Variants in DPYD observed in about 807,000 individuals in gnomAD.
The protein encoded by DPYD is dihydropyrimidine dehydrogenase, also known as dihydropyrimidine dehydrogenase [NADP(+)].
A neutral mutation model predicts 116.2 loss-of-function variants in DPYD; 109 were observed. The observed-to-expected ratio is 0.94, with a 90% CI of 0.80 to 1.10. DPYD has a LOEUF of 1.10. DPYD is among the 50% of genes least tolerant of loss of function. The pLI, the probability that DPYD is intolerant of heterozygous loss-of-function variation, is 0.00. For missense variants in DPYD, 1,302 were observed against 1,254.5 expected (o/e 1.04, Z -0.57); for synonymous variants, 440 against 432.0 (o/e 1.02, Z -0.23).
intron 3 of DPYD, among the ~76,000 whole-genome samples, chr1:97,790,878 A>T (rs1413384929): frequency 6.6e-6 from 1 of 152,170 alleles, no homozygotes; most frequent in East Asian, 1.9e-4. Context: ...TCACGTCCTT[A>T]TTTGCTTTAG....
intron 14 of DPYD, among the ~76,000 whole-genome samples, chr1:97,400,982 G>T (rs1673341305): frequency 6.6e-6 from 1 of 152,070 alleles, no homozygotes; most frequent in African/African-American, 2.4e-5. Flanking sequence ...ATTTGGTGTT[G>T]TCAGTGTTAT....
intron 3 of DPYD, among the ~76,000 whole-genome samples, chr1:97,781,631 T>C (rs1666755321): frequency 6.6e-6 from 1 of 152,182 alleles, no homozygotes; most frequent in Non-Finnish European, 1.5e-5. Flanking sequence ...AATGATGTGA[T>C]AAAGATCACT....
chr1:97,091,359 G>A (rs1201325813), intron 21 of DPYD, among the ~76,000 whole-genome samples: 2 of 152,008 alleles, frequency 1.3e-5, no homozygotes, highest in Non-Finnish European at 1.5e-5. Context: ...GGTCCTCCAG[G>A]AAAAAGGGAA....
intron 2 of DPYD, among the ~76,000 whole-genome samples, chr1:97,834,115 T>A (rs1669655570): frequency 6.6e-6 from 1 of 151,944 alleles, no homozygotes; most frequent in Admixed American, 6.6e-5. Flanking sequence ...ACAAATATAA[T>A]CAGTAGTCCA....
chr1:97,546,466 G>A (rs1261669262), intron 12 of DPYD: 22 of 1,603,790 alleles, frequency 1.4e-5, no homozygotes, highest in Non-Finnish European at 1.9e-5. Flanking sequence ...TAGTGACAGA[G>A]ACTCTGATAG....
chr1:97,438,289 A>T (rs1364413232), intron 14 of DPYD, among the ~76,000 whole-genome samples: 1 of 152,056 alleles, frequency 6.6e-6, no homozygotes, highest in Admixed American at 6.6e-5. Flanking sequence ...ATTGCACTTT[A>T]TCCATAGATA....
At chr1:97,741,326 T>A (rs1372715564) in intron 3 of DPYD, among the ~76,000 whole-genome samples, 1 of 152,182 alleles carries the variant, frequency 6.6e-6, no homozygotes, top group Admixed American at 6.6e-5. Context: ...ATTAATCTCA[T>A]CTGACTCTCC....
intron 3 of DPYD, among the ~76,000 whole-genome samples, chr1:97,781,902 G>A (rs1237330735): frequency 6.6e-6 from 1 of 152,122 alleles, no homozygotes; most frequent in East Asian, 1.9e-4. Flanking sequence ...TGTCCACAGA[G>A]GAGAAGACTG....
intron 8 of DPYD, among the ~76,000 whole-genome samples, chr1:97,609,835 G>A (rs1453691870): frequency 1.3e-5 from 2 of 151,918 alleles, no homozygotes; most frequent in African/African-American, 4.8e-5. Context: ...AAAAAAATAT[G>A]CTTTAAAGAT....
chr1:97,829,693 C>T (rs757023427), intron 2 of DPYD, among the ~76,000 whole-genome samples: 9 of 151,878 alleles, frequency 5.9e-5, no homozygotes, highest in Non-Finnish European at 1.3e-4. Flanking sequence ...TTCTTTTTGG[C>T]CCTGAAATTC....
intron 18 of DPYD, among the ~76,000 whole-genome samples, chr1:97,251,781 T>C (rs1241696191): frequency 2.0e-5 from 3 of 152,114 alleles, no homozygotes; most frequent in Non-Finnish European, 4.4e-5. Flanking sequence ...AAATCGTAAC[T>C]CTTGAATTAG....
chr1:97,551,440 T>C (rs1260831741), intron 11 of DPYD, among the ~76,000 whole-genome samples: 4 of 152,130 alleles, frequency 2.6e-5, no homozygotes, highest in Admixed American at 6.6e-5. Context: ...CATTGAATGA[T>C]ATATGTAATG....
intron 18 of DPYD, among the ~76,000 whole-genome samples, chr1:97,279,310 T>C (rs1047453461): frequency 3.3e-5 from 5 of 151,978 alleles, no homozygotes; most frequent in Non-Finnish European, 7.4e-5. Flanking sequence ...AAAAAGAACA[T>C]TCAACATGTA....
intron 20 of DPYD, among the ~76,000 whole-genome samples, chr1:97,177,294 C>A (rs1657348201): frequency 1.3e-5 from 2 of 152,042 alleles, no homozygotes; most frequent in African/African-American, 4.8e-5. Flanking sequence ...GAATACATTT[C>A]AAGTATGAAG....
chr1:97,536,296 C>T (rs2102039555), intron 12 of DPYD, among the ~76,000 whole-genome samples: 2 of 152,332 alleles, frequency 1.3e-5, no homozygotes, highest in East Asian at 3.9e-4. Flanking sequence ...TGATTTAAAA[C>T]TGTCTTTTTA....
chr1:97,225,818 T>C lies in DPYD; in HGVS notation c.2442+9034A>G, dbSNP rs72726642. Among the ~76,000 whole-genome samples, 1,379 of 152,204 alleles carry C rather than the reference T, an allele frequency of 9.1e-3. 15 individuals carry two copies. Among genetic ancestry groups the C allele is most frequent in the Middle Eastern group, 0.037 (11 of 294 alleles). ...CCAATGTCTAGGAGCTTTTCCCCTG[T>C]GTTTTCTTCCAGGAGTTTTATGATT... On this transcript the variant is annotated intron_variant, in intron 19 of 22. Transcript: ENST00000370192.
chr1:97,089,340 G>A (rs1274011096), intron 21 of DPYD, among the ~76,000 whole-genome samples: 1 of 152,076 alleles, frequency 6.6e-6, no homozygotes, highest in Non-Finnish European at 1.5e-5. Context: ...ATGCTGCCTG[G>A]GAATAAAGCA....
At chr1:97,903,298 GAATAT>G (rs1396864102) in intron 1 of DPYD, among the ~76,000 whole-genome samples, 1 of 151,852 alleles carries the variant, frequency 6.6e-6, no homozygotes, top group Non-Finnish European at 1.5e-5. Context: ...TTGTTTTACT[GAATAT>G]AATACATATT....
At chr1:97,884,472 T>C (rs936496876) in intron 1 of DPYD, among the ~76,000 whole-genome samples, 2 of 152,072 alleles carry the variant, frequency 1.3e-5, no homozygotes, top group Admixed American at 6.6e-5. Context: ...GAGATTTAAT[T>C]TGTTTTGTAT....
Sources: gnomAD v4.1 joint callset for allele counts (sites outside exome capture counted in the v4.1 genomes callset) on GRCh38, gnomAD v4.1.1 for gene constraint, MANE v1.5 for transcripts, NCBI Gene and HGNC (gene_info 2026-07-23, HGNC 2026-07-21) for gene names.